SCUBE3: variants seen among roughly 807,000 people sequenced by gnomAD.
SCUBE3 encodes signal peptide, CUB domain and EGF like domain containing 3, also known as signal peptide, CUB and EGF-like domain-containing protein 3.
In SCUBE3, 33 loss-of-function variants were observed where a neutral mutation model predicts 116.8. The observed-to-expected ratio is 0.28, with a 90% CI of 0.21 to 0.38. The LOEUF (loss-of-function observed/expected upper bound fraction) is 0.38, where lower values mean the gene tolerates loss of function less well. Among genes scored for constraint, SCUBE3 ranks in the 10% least tolerant of loss-of-function variants. The pLI, the probability that SCUBE3 is intolerant of heterozygous loss-of-function variation, is 1.00. For missense variants in SCUBE3, 1,007 were observed against 1,324.8 expected (o/e 0.76, Z 3.72); for synonymous variants, 418 against 496.9 (o/e 0.84, Z 2.11).
chr6:35,246,168 TCCCGC>T (rs1193959940), intron 20 of SCUBE3, 33 bp from the exon 21 acceptor site: 3 of 1,611,898 alleles, frequency 1.9e-6, no homozygotes, highest in African/African-American at 1.3e-5. Context: ...CAGGAAGAGC[TCCCGC>T]CCCTGAGCCC....
intron 1 of SCUBE3, among the ~76,000 whole-genome samples, chr6:35,227,318 AAAAG>A (rs1783369142): frequency 6.6e-6 from 1 of 152,238 alleles, no homozygotes; most frequent in South Asian, 2.1e-4. Context: ...TTCAAATAAA[AAAAG>A]GAGTGTTTCG....
intron 1 of SCUBE3, among the ~76,000 whole-genome samples, chr6:35,217,219 T>G (rs1188895369): frequency 2.3e-3 from 5 of 2,140 alleles, no homozygotes; most frequent in South Asian, 0.083. Context: ...GGTGGGTGTT[T>G]GGCGGGGGGG....
At chr6:35,215,366 G>A (rs994039888) in intron 1 of SCUBE3, among the ~76,000 whole-genome samples, 1 of 152,142 alleles carries the variant, frequency 6.6e-6, no homozygotes, top group Non-Finnish European at 1.5e-5. Flanking sequence ...GCAGAGACTA[G>A]GCTGATGTAC....
rs1783712651 is a variant in SCUBE3, at chr6:35,235,150, G to C, written c.712+1849G>C. On this transcript the variant is annotated intron_variant, in intron 6 of 21. Coordinates refer to ENST00000274938, the MANE Select transcript of SCUBE3 (RefSeq NM_152753.4). The surrounding 1 kb of genome is among the most constrained non-coding windows in gnomAD (Gnocchi z 4.5). ...GGATTTTGTGGTTAGTAAGACTTGA[G>C]GGTGCATCCCAGCTTAGGCTTGAGC... Among the ~76,000 whole-genome samples, 1 of 152,232 alleles carries C rather than the reference G, an allele frequency of 6.6e-6. No individual in the cohort carries two copies. Among genetic ancestry groups the C allele is most frequent in the African/African-American group, 2.4e-5 (1 of 41,456 alleles).
At position 35,241,901 on chromosome 6, in the gene SCUBE3, C is replaced by A. The variant is rs773482555; in HGVS notation, c.1408C>A (p.His470Asn). The A allele has an allele frequency of 6.2e-7, 1 of 1,606,686 alleles. No homozygotes were observed. Among genetic ancestry groups the A allele is most frequent in the Non-Finnish European group, 8.5e-7 (1 of 1,177,450 alleles). The change falls in exon 12 of 22, where the codon CAC becomes AAC. Residue 470 changes from histidine to asparagine, a missense_variant. By Grantham distance (68) the His-to-Asn change is moderately conservative. Transcript: ENST00000274938. This position sits in a 1 kb window ranked among gnomAD's most constrained non-coding sequence, Gnocchi z 4.1. ...CAATGGGAACAGCACCAACTCCAAC[C>A]ACTGCCATGGTAAGCACCAGCCCAG... is the stretch of plus-strand genomic sequence containing the variant. ...GHNGNSTNSNHCHEAAVLSIK... is the reference protein window; with the variant it reads ...GHNGNSTNSNNCHEAAVLSIK...
At chr6:35,225,966 T>C (rs1783305265) in intron 1 of SCUBE3, among the ~76,000 whole-genome samples, 1 of 152,206 alleles carries the variant, frequency 6.6e-6, no homozygotes, top group Admixed American at 6.5e-5. Flanking sequence ...AGTTGTGGGA[T>C]CACAGGAGAG....
In SCUBE3 at chr6:35,233,325, C is replaced by A; in HGVS notation, c.712+24C>A. The A allele has an allele frequency of 7.3e-7, 1 of 1,375,184 alleles. No individual in the cohort carries two copies. The highest frequency in any genetic ancestry group is 1.0e-6 in the Non-Finnish European group (1 of 963,484). 85.2% of individuals were successfully genotyped at this position (1,375,184 alleles called of 1,614,324 possible). A position where few individuals can be genotyped will look rare whatever the true frequency, so the allele number is the denominator to read the frequency against. Reference sequence around the variant, plus strand: ...CGGTGGGTGAGGCCAGGGGAGAACTCAGTCCACCTGAGATGGGGTGGGGGT... The same window carrying A: ...CGGTGGGTGAGGCCAGGGGAGAACTAAGTCCACCTGAGATGGGGTGGGGGT... On this transcript the variant is annotated intron_variant, in intron 6 of 21. Coordinates refer to ENST00000274938, the MANE Select transcript of SCUBE3 (RefSeq NM_152753.4). The surrounding 1 kb of genome is among the most constrained non-coding windows in gnomAD (Gnocchi z 5.7).
rs775549200 is a variant in SCUBE3 at position 35,232,846 on chromosome 6, T to C, written c.470-4T>C. ...AGCATTCACACCCCTTTCTTCTCTT[T>C]TAGAAGGAATGAATTGCATGAACAA... is the stretch of plus-strand genomic sequence containing the variant. On this transcript the variant is annotated splice_polypyrimidine_tract_variant and splice_region_variant and intron_variant, in intron 4 of 21. Coordinates refer to ENST00000274938, the MANE Select transcript of SCUBE3 (RefSeq NM_152753.4). The surrounding 1 kb of genome is among the most constrained non-coding windows in gnomAD (Gnocchi z 4.2). 6.2e-7 allele frequency: 1 copy of C among 1,614,052 alleles called. No individual in the cohort carries two copies. Among genetic ancestry groups the C allele is most frequent in the South Asian group, 1.1e-5 (1 of 91,080 alleles).
chr6:35,242,599 G>T, intron 13 of SCUBE3, 23 bp from the exon 14 acceptor site: 1 of 1,598,388 alleles, frequency 6.3e-7, no homozygotes, highest in Non-Finnish European at 8.6e-7. Flanking sequence ...ATGTCCCTGG[G>T]GTTGACAAGC....
Position 35,244,139 on chromosome 6 carries a change from G to C in SCUBE3, c.2239+9G>C. The C allele has an allele frequency of 1.2e-6, 2 of 1,608,336 alleles. No individual in the cohort carries two copies. Among genetic ancestry groups the C allele is most frequent in the South Asian group, 2.2e-5 (2 of 90,656 alleles). On this transcript the variant is annotated intron_variant, in intron 17 of 21. Transcript: ENST00000274938. The surrounding 1 kb of genome is among the most constrained non-coding windows in gnomAD (Gnocchi z 4.3). ...AGACTGTGACACCAAAGGTGAGTAA[G>C]CTACTCACCTCCCTGGGGGATGCCC... is the stretch of plus-strand genomic sequence containing the variant.
intron 7 of SCUBE3, among the ~76,000 whole-genome samples, chr6:35,238,446 G>A (rs1039747939): frequency 2.0e-5 from 3 of 152,100 alleles, no homozygotes; most frequent in South Asian, 4.1e-4. Flanking sequence ...TCTACCCCTC[G>A]AAAGGCTGTA....
Position 35,250,712 on chromosome 6 carries a change from C to CTTTTTTTT in SCUBE3, c.*2016_*2023dup, listed in dbSNP as rs10530852. 1.4e-5 allele frequency: 2 copies of CTTTTTTTT among 140,360 alleles called. No individual in the cohort carries two copies. Among genetic ancestry groups the CTTTTTTTT allele is most frequent in the African/African-American group, 2.7e-5 (1 of 37,398 alleles). The allele number at this position is 140,360 out of a possible 1,614,324, so 8.7% of individuals were successfully genotyped here. A position where few individuals can be genotyped will look rare whatever the true frequency, so the allele number is the denominator to read the frequency against. ...ACCAACTGAGTCCTCAGGTTCATTT[C>CTTTTTTTT]TTTTTTTTTTTTTTTTCTTTTTAAC... On this transcript the variant is annotated 3_prime_UTR_variant, in exon 22 of 22. Transcript: ENST00000274938.
rs558058239 is a variant in SCUBE3 at position 35,242,315 on chromosome 6, G to A, written c.1529G>A (p.Gly510Glu). 4 of 1,608,328 alleles carry A rather than the reference G, an allele frequency of 2.5e-6. No individual in the cohort carries two copies. Among genetic ancestry groups the A allele is most frequent in the East Asian group, 2.2e-5 (1 of 44,848 alleles). ...GKTEEAGRIT[G>E]PGGAPCSECQ... Reference sequence around the variant, plus strand: ...ACAGAGGAGGCTGGCAGAATCACAGGGCCAGGTTTGGACTGGGGACCCCAT... The same window carrying A: ...ACAGAGGAGGCTGGCAGAATCACAGAGCCAGGTTTGGACTGGGGACCCCAT... Residue 510 changes from glycine (G) to glutamate (E), a missense_variant, in exon 13 of 22, where the codon GGG (glycine) becomes GAG (glutamate). Physicochemically the swap from Gly to Glu is moderately conservative, Grantham distance 98. Coordinates refer to ENST00000274938, the MANE Select transcript of SCUBE3 (RefSeq NM_152753.4).
Position 35,233,204 on chromosome 6 carries a change from C to T in SCUBE3, c.615C>T (p.Asn205=), listed in dbSNP as rs200226939. 39 of 1,613,042 alleles carry T rather than the reference C, an allele frequency of 2.4e-5. No homozygotes were observed. The East Asian group carries it at 2.9e-4, about 12-fold the overall frequency. Residue 205 remains asparagine (N), a synonymous_variant, in exon 6 of 22, where the codon AAC becomes AAT. Coordinates refer to ENST00000274938, the MANE Select transcript of SCUBE3 (RefSeq NM_152753.4). This position sits in a 1 kb window ranked among gnomAD's most constrained non-coding sequence, Gnocchi z 5.7. The part of the protein sequence containing the change: ...RDCKLTCNYG[N]GGCQHTCDDT... ...GCACAGTGACATGCAACTATGGTAA[C>T]GGCGGCTGCCAGCACACGTGTGATG... is the stretch of plus-strand genomic sequence containing the variant.
Position 35,243,243 on chromosome 6 carries a change from G to C in SCUBE3, c.1909+7G>C, listed in dbSNP as rs1325338830. ...CGTGCTGGGACCAAGTGTGGTAAGG[G>C]AGCTTACTGGGGAGCAGGGATGTAG... On this transcript the variant is annotated splice_region_variant and intron_variant, in intron 15 of 21. Transcript: ENST00000274938. The surrounding 1 kb of genome is among the most constrained non-coding windows in gnomAD (Gnocchi z 6.6). 6.2e-7 allele frequency: 1 copy of C among 1,611,310 alleles called. No individual in the cohort carries two copies. The highest frequency in any genetic ancestry group is 8.5e-7 in the Non-Finnish European group (1 of 1,178,310).
At position 35,243,625 on chromosome 6, in the gene SCUBE3, C is replaced by T. The variant is rs1377712761; in HGVS notation, c.1941C>T (p.Gly647=). ...VSCPQGTYYH[G]QTEQCVPCPA... is the part of the protein sequence containing the mutation. ...GCCCGCAGGGAACGTATTACCACGG[C>T]CAGACGGAGCAGTGTGTGCCATGCC... Residue 647 remains glycine, a synonymous_variant, in exon 16 of 22, where the codon GGC becomes GGT. Transcript: ENST00000274938. The surrounding 1 kb of genome is among the most constrained non-coding windows in gnomAD (Gnocchi z 6.6). 5.0e-6 allele frequency: 8 copies of T among 1,613,898 alleles called. No individual in the cohort carries two copies. In the South Asian group the frequency reaches 8.8e-5, roughly 18 times the overall value.
intron 6 of SCUBE3, among the ~76,000 whole-genome samples, chr6:35,237,482 A>C (rs1302611237): frequency 6.6e-6 from 1 of 151,716 alleles, no homozygotes; most frequent in East Asian, 1.9e-4. Flanking sequence ...CCACCCACCC[A>C]CCAAAGACAT....
chr6:35,232,288 C>T lies in SCUBE3; in HGVS notation c.469+429C>T, dbSNP rs1332912322. 6.6e-6 allele frequency among the ~76,000 whole-genome samples: 1 copy of T among 152,190 alleles called. No homozygotes were observed. The highest frequency in any genetic ancestry group is 1.9e-4 in the East Asian group (1 of 5,198). On this transcript the variant is annotated intron_variant, in intron 4 of 21. Transcript: ENST00000274938. This position sits in a 1 kb window ranked among gnomAD's most constrained non-coding sequence, Gnocchi z 4.2. ...GCCCCCCACTCCCACTAGACTGTGACATCCCTGAGGGCAGGGACTATGTCT... is the reference window on the plus strand; with the variant it reads ...GCCCCCCACTCCCACTAGACTGTGATATCCCTGAGGGCAGGGACTATGTCT...
intron 1 of SCUBE3, among the ~76,000 whole-genome samples, chr6:35,216,800 G>A (rs76147412): frequency 6.6e-6 from 1 of 152,114 alleles, no homozygotes; most frequent in Non-Finnish European, 1.5e-5. Context: ...TATACCTCTG[G>A]GGGTATCTGG....
Sources: allele counts gnomAD v4.1 joint callset (sites outside exome capture counted in the v4.1 genomes callset), GRCh38; gene constraint gnomAD v4.1.1; non-coding constraint Gnocchi (gnomAD v3.1); transcripts MANE v1.5; gene names NCBI Gene and HGNC (gene_info 2026-07-23, HGNC 2026-07-21).